The following MKLN1 variants were observed in gnomAD, a reference collection of about 807,000 sequenced individuals.
MKLN1 encodes the protein muskelin.
MKLN1 carries 18 observed loss-of-function variants against 99.0 expected under a neutral mutation model. That is an observed-to-expected ratio of 0.18 (90% CI 0.13 to 0.27). MKLN1 has a LOEUF of 0.27. MKLN1 is among the 10% of genes least tolerant of loss of function. The probability of loss-of-function intolerance (pLI) is 1.00; values close to 1 mark genes in which losing one functional copy is unlikely to be tolerated. For synonymous variants in MKLN1, 288 were observed against 293.2 expected (o/e 0.98, Z 0.18); for missense variants, 621 against 875.9 (o/e 0.71, Z 3.67).
chr7:131,155,627 A>G (rs551003011), intron 2 of MKLN1, among the ~76,000 whole-genome samples: 1 of 152,274 alleles, frequency 6.6e-6, no homozygotes, highest in Non-Finnish European at 1.5e-5. Context: ...ATACAACTGA[A>G]CCATGATTAT....
chr7:131,294,284 T>C (rs1207584054), intron 3 of MKLN1, among the ~76,000 whole-genome samples: 2 of 152,196 alleles, frequency 1.3e-5, no homozygotes, highest in African/African-American at 4.8e-5. Context: ...GTATGCTGAA[T>C]TATTTTAAGT....
chr7:131,491,162 G>A lies in MKLN1; in HGVS notation c.*3434G>A, dbSNP rs1797412540. ...CAGTATTTGAGAATTACGGTTTGAA[G>A]TGATTTCTGTGGGAGGGAATCATTG... On this transcript the variant is annotated 3_prime_UTR_variant, in exon 18 of 18. Coordinates refer to ENST00000352689, the MANE Select transcript of MKLN1 (RefSeq NM_013255.5). 6.6e-6 allele frequency: 1 copy of A among 151,970 alleles called. No individual in the cohort carries two copies. The highest frequency in any genetic ancestry group is 6.6e-5 in the Admixed American group (1 of 15,246). 9.4% of individuals were successfully genotyped at this position (151,970 alleles called of 1,614,324 possible).
intron 15 of MKLN1, among the ~76,000 whole-genome samples, chr7:131,468,927 A>G (rs966793629): frequency 6.6e-6 from 1 of 152,196 alleles, no homozygotes; most frequent in African/African-American, 2.4e-5. Flanking sequence ...AAAAGAATTT[A>G]TTATTAGATT....
chr7:131,429,774 G>GTT (rs1394929815), intron 9 of MKLN1, among the ~76,000 whole-genome samples: 1 of 152,054 alleles, frequency 6.6e-6, no homozygotes, highest in Admixed American at 6.5e-5. Context: ...TAGAGACGGG[G>GTT]TTTCACCATG....
intron 1 of MKLN1, among the ~76,000 whole-genome samples, chr7:131,328,556 G>A (rs1798967038): frequency 6.6e-6 from 1 of 152,216 alleles, no homozygotes; most frequent in Non-Finnish European, 1.5e-5. Flanking sequence ...ATCCTAGCAG[G>A]CGGGGAGAAC....
chr7:131,296,574 A>G (rs556338698), intron 3 of MKLN1, among the ~76,000 whole-genome samples: 2 of 151,400 alleles, frequency 1.3e-5, no homozygotes, highest in Non-Finnish European at 2.9e-5. Flanking sequence ...GTCCACTTGT[A>G]TCTGGATTTT....
chr7:131,366,075 C>T (rs1448047601), intron 1 of MKLN1, among the ~76,000 whole-genome samples: 1 of 152,136 alleles, frequency 6.6e-6, no homozygotes, highest in Admixed American at 6.5e-5. Context: ...CAATTCAACT[C>T]CCCTGATTAC....
At chr7:131,370,010 G>A (rs1475116705) in intron 1 of MKLN1, among the ~76,000 whole-genome samples, 1 of 152,096 alleles carries the variant, frequency 6.6e-6, no homozygotes, top group Non-Finnish European at 1.5e-5. Flanking sequence ...CTAATTTTTT[G>A]TATTTTTAGT....
intron 8 of MKLN1, among the ~76,000 whole-genome samples, chr7:131,415,896 G>T (rs1454785479): frequency 6.6e-6 from 1 of 152,026 alleles, no homozygotes; most frequent in Non-Finnish European, 1.5e-5. Flanking sequence ...AGTAGAATTT[G>T]TAATGCTTTT....
chr7:131,373,418 C>T (rs1236008010), intron 1 of MKLN1, among the ~76,000 whole-genome samples: 5 of 151,812 alleles, frequency 3.3e-5, no homozygotes, highest in Middle Eastern at 3.4e-3. Flanking sequence ...TGGCTGTTTG[C>T]CTGTTAATTT....
intron 3 of MKLN1, among the ~76,000 whole-genome samples, chr7:131,225,062 CTG>C (rs1183888170): frequency 6.9e-6 from 1 of 145,386 alleles, no homozygotes; most frequent in Non-Finnish European, 1.5e-5. Context: ...AACAGAGAGA[CTG>C]TGTCTCAAAA....
intron 17 of MKLN1, among the ~76,000 whole-genome samples, chr7:131,480,716 G>A (rs903169205): frequency 3.9e-5 from 6 of 152,204 alleles, no homozygotes; most frequent in Non-Finnish European, 7.3e-5. Context: ...ATTTTGGAAA[G>A]TTCATGCCCT....
At chr7:131,404,630 G>A (rs1447780398) in intron 6 of MKLN1, among the ~76,000 whole-genome samples, 2 of 151,478 alleles carry the variant, frequency 1.3e-5, no homozygotes, top group African/African-American at 4.9e-5. Context: ...TTTGAGACAG[G>A]GTCTCTCTCT....
At chr7:131,242,935 A>C (rs1584862129) in intron 3 of MKLN1, 3 of 654,536 alleles carry the variant, frequency 4.6e-6, no homozygotes, top group South Asian at 4.1e-5. Context: ...TGAGAGGCCA[A>C]GGTCAAGTTT....
chr7:131,257,525 A>G (rs1167866287), intron 3 of MKLN1, among the ~76,000 whole-genome samples: 1 of 152,222 alleles, frequency 6.6e-6, no homozygotes, highest in Non-Finnish European at 1.5e-5. Context: ...ATGAAGATTT[A>G]TGGGGCATTT....
At chr7:131,352,577 C>G (rs1799751384) in intron 1 of MKLN1, among the ~76,000 whole-genome samples, 1 of 151,394 alleles carries the variant, frequency 6.6e-6, no homozygotes, top group South Asian at 2.1e-4. Flanking sequence ...TGCTTTGGGC[C>G]CTATCTATGT....
At chr7:131,418,195 C>T (rs1348235394) in intron 8 of MKLN1, among the ~76,000 whole-genome samples, 1 of 151,766 alleles carries the variant, frequency 6.6e-6, no homozygotes, top group Admixed American at 6.6e-5. Flanking sequence ...ATGGTAAAAC[C>T]CCATCTCTAC....
intron 2 of MKLN1, among the ~76,000 whole-genome samples, chr7:131,158,353 G>A (rs1009384527): frequency 3.9e-4 from 60 of 152,178 alleles, no homozygotes; most frequent in African/African-American, 1.4e-3. Context: ...AGAATCACTT[G>A]AACCTGGGAG....
At chr7:131,427,524 A>C (rs1191149810) in intron 8 of MKLN1, among the ~76,000 whole-genome samples, 1 of 152,048 alleles carries the variant, frequency 6.6e-6, no homozygotes, top group Non-Finnish European at 1.5e-5. Flanking sequence ...ACAAAGGGGG[A>C]AATATTTGAA....
Sources: gnomAD v4.1 joint callset for allele counts (sites outside exome capture counted in the v4.1 genomes callset) on GRCh38, gnomAD v4.1.1 for gene constraint, MANE v1.5 for transcripts, NCBI Gene and HGNC (gene_info 2026-07-23, HGNC 2026-07-21) for gene names.